Variants in DAG1 observed in about 807,000 individuals in gnomAD.
The protein encoded by DAG1 is dystroglycan 1.
A neutral mutation model predicts 46.1 loss-of-function variants in DAG1; 8 were observed. The ratio of observed to expected loss-of-function variants is 0.17; its 90% CI spans 0.10 to 0.31. The LOEUF (loss-of-function observed/expected upper bound fraction) is 0.31, where lower values mean the gene tolerates loss of function less well. DAG1 is among the 10% of genes least tolerant of loss of function. The probability of loss-of-function intolerance (pLI) is 1.00; values close to 1 mark genes in which losing one functional copy is unlikely to be tolerated. For synonymous variants in DAG1, 495 were observed against 481.8 expected (o/e 1.03, Z -0.36); for missense variants, 1,003 against 1,189.9 (o/e 0.84, Z 2.31).
At chr3:49,489,853 G>T (rs1236654316) in intron 1 of DAG1, among the ~76,000 whole-genome samples, 1 of 152,036 alleles carries the variant, frequency 6.6e-6, no homozygotes, top group Admixed American at 6.6e-5. Flanking sequence ...TGGGGGATTA[G>T]TGCCTGGAAT....
At chr3:49,499,627 T>G (rs1425202844) in intron 1 of DAG1, among the ~76,000 whole-genome samples, 1 of 152,198 alleles carries the variant, frequency 6.6e-6, no homozygotes, top group African/African-American at 2.4e-5. Context: ...CAGAGCCGCC[T>G]GTTCCATAAG....
At chr3:49,471,818 T>C (rs1435994623) in intron 1 of DAG1, among the ~76,000 whole-genome samples, 2 of 152,204 alleles carry the variant, frequency 1.3e-5, no homozygotes, top group East Asian at 3.8e-4. Context: ...AAGAGTCTGC[T>C]TCTGCCCTTA....
intron 2 of DAG1, among the ~76,000 whole-genome samples, chr3:49,519,872 G>A (rs2050984418): frequency 6.6e-6 from 1 of 152,088 alleles, no homozygotes; most frequent in African/African-American, 2.4e-5. Flanking sequence ...TACTTTTTTG[G>A]GGAAAAAGAC....
At chr3:49,491,124 TC>T (rs1364709634) in intron 1 of DAG1, among the ~76,000 whole-genome samples, 1 of 151,856 alleles carries the variant, frequency 6.6e-6, no homozygotes, top group Admixed American at 6.6e-5. Flanking sequence ...ACCCAGGTGG[TC>T]CGCCTGCCTC....
intron 1 of DAG1, among the ~76,000 whole-genome samples, chr3:49,481,000 A>G (rs2049863999): frequency 6.9e-6 from 1 of 145,080 alleles, no homozygotes; most frequent in East Asian, 2.1e-4. Context: ...TGACCTCGTG[A>G]TCCGCCCGCT....
rs377173064 is a variant in DAG1, at chr3:49,531,363, C to T, written c.852C>T (p.Gly284=). 9.9e-6 allele frequency: 16 copies of T among 1,614,058 alleles called. No homozygotes were observed. Among genetic ancestry groups the T allele is most frequent in the Admixed American group, 3.3e-5 (2 of 60,006 alleles). The part of the protein sequence containing the change: ...IHGVEAPARE[G]AMSAQLGYPV... ...GTGTAGAGGCCCCTGCCAGGGAGGG[C>T]GCAATGTCTGCTCAGCTTGGCTACC... is the stretch of plus-strand genomic sequence containing the variant. Residue 284 remains glycine, a synonymous_variant, in exon 3 of 3, where the codon GGC becomes GGT. Coordinates refer to ENST00000308775, the MANE Select transcript of DAG1 (RefSeq NM_004393.6). This position sits in a 1 kb window ranked among gnomAD's most constrained non-coding sequence, Gnocchi z 7.0.
intron 1 of DAG1, among the ~76,000 whole-genome samples, chr3:49,473,426 CA>C (rs1288104922): frequency 7.6e-5 from 11 of 145,064 alleles, no homozygotes; most frequent in South Asian, 2.2e-4. Flanking sequence ...CGTCTCAAAA[CA>C]AAAAAAAAAC....
intron 1 of DAG1, chr3:49,492,680 G>T (rs2050219500): frequency 6.6e-6 from 1 of 152,112 alleles, no homozygotes; most frequent in South Asian, 2.1e-4. Context: ...ATAAATGCAG[G>T]AGATCTTCCA....
intron 2 of DAG1, among the ~76,000 whole-genome samples, chr3:49,512,675 AT>A (rs887677166): frequency 1.8e-4 from 26 of 148,240 alleles, no homozygotes; most frequent in South Asian, 8.8e-4. Flanking sequence ...TTAAAAAAAA[AT>A]TTTTTTTTAG....
intron 1 of DAG1, among the ~76,000 whole-genome samples, chr3:49,473,825 C>T (rs2049597106): frequency 1.3e-5 from 2 of 151,610 alleles, no homozygotes; most frequent in Non-Finnish European, 2.9e-5. Context: ...CTCAGGTGAT[C>T]CGCCCGCGTC....
intron 1 of DAG1, among the ~76,000 whole-genome samples, chr3:49,495,463 T>C (rs2050286272): frequency 6.6e-6 from 1 of 152,230 alleles, no homozygotes. Flanking sequence ...ATTGTTGGGC[T>C]GTCTTCAGAG....
intron 2 of DAG1, among the ~76,000 whole-genome samples, chr3:49,515,388 G>GTTTT (rs71627397): frequency 7.7e-6 from 1 of 130,236 alleles, no homozygotes; most frequent in Admixed American, 7.9e-5. Context: ...TTCTTGTGTT[G>GTTTT]TTTTTTTTTT....
At chr3:49,508,815 C>G (rs552995400) in intron 1 of DAG1, among the ~76,000 whole-genome samples, 2 of 152,208 alleles carry the variant, frequency 1.3e-5, no homozygotes, top group Non-Finnish European at 2.9e-5. Context: ...AGGCATGAGC[C>G]ACTGCACCCG....
chr3:49,532,585 T>C lies in DAG1; in HGVS notation c.2074T>C (p.Phe692Leu), dbSNP rs2051389490. The change falls in exon 3 of 3, where the codon TTC becomes CTC. Residue 692 changes from phenylalanine (F) to leucine (L), a missense_variant. By Grantham distance (22) the Phe-to-Leu change is conservative. Transcript: ENST00000308775. This position sits in a 1 kb window ranked among gnomAD's most constrained non-coding sequence, Gnocchi z 5.4. ...AEDDGKPRPAFSNALEPDFKA... is the reference protein window; with the variant it reads ...AEDDGKPRPALSNALEPDFKA... ...GGATGATGGAAAACCTCGGCCTGCC[T>C]TCTCCAACGCCCTAGAGCCTGACTT... 1 of 1,612,176 alleles carries C rather than the reference T, an allele frequency of 6.2e-7. No individual in the cohort carries two copies. The highest frequency in any genetic ancestry group is 1.7e-5 in the Admixed American group (1 of 59,920).
chr3:49,513,661 G>T (rs116436136), intron 2 of DAG1, among the ~76,000 whole-genome samples: 1 of 152,142 alleles, frequency 6.6e-6, no homozygotes, highest in South Asian at 2.1e-4. Context: ...GAGTGACCTT[G>T]TGGTCTCTGG....
intron 2 of DAG1, among the ~76,000 whole-genome samples, chr3:49,527,508 C>A (rs908705463): frequency 2.1e-5 from 3 of 142,494 alleles, no homozygotes; most frequent in Non-Finnish European, 4.5e-5. Flanking sequence ...GGCGAAAGAG[C>A]GAGACTCTGT....
chr3:49,515,388 G>GTT lies in DAG1; in HGVS notation c.285+4584_285+4585dup, dbSNP rs71627397. Among the ~76,000 whole-genome samples the GTT allele has an allele frequency of 2.2e-3, 280 of 130,170 alleles. 7 individuals carry two copies. Among genetic ancestry groups the GTT allele is most frequent in the African/African-American group, 3.0e-3 (105 of 34,632 alleles). The allele number at this position is 130,170 out of a possible 152,430, so 85.4% of individuals were successfully genotyped here. A position where few individuals can be genotyped will look rare whatever the true frequency, so the allele number is the denominator to read the frequency against. On this transcript the variant is annotated intron_variant, in intron 2 of 2. Transcript: ENST00000308775. Reference sequence around the variant, plus strand: ...AATGGCTGCCTAATATTCTTGTGTTGTTTTTTTTTTTTTTTTGAGACAGGG... The same window carrying GTT: ...AATGGCTGCCTAATATTCTTGTGTTGTTTTTTTTTTTTTTTTTTGAGACAGGG...
chr3:49,469,652 T>TA (rs960138559), upstream of DAG1, among the ~76,000 whole-genome samples: 1 of 152,172 alleles, frequency 6.6e-6, no homozygotes, highest in Non-Finnish European at 1.5e-5. Context: ...GGCGAGGCTC[T>TA]AGGAGATGAG....
chr3:49,532,316 A>T lies in DAG1; in HGVS notation c.1805A>T (p.Asp602Val). Residue 602 changes from aspartate (D) to valine (V), a missense_variant, in exon 3 of 3, where the codon GAT becomes GTT. Around this residue, in one of 3 missense-constraint regions of DAG1, gnomAD observed 755 missense variants for 854.1 expected, o/e 0.88. Coordinates refer to ENST00000308775, the MANE Select transcript of DAG1 (RefSeq NM_004393.6). The surrounding 1 kb of genome is among the most constrained non-coding windows in gnomAD (Gnocchi z 5.4). ...EIHVHRRPQG[D>V]RAPARFKAKF... ...CACGTCCACAGGCGCCCCCAAGGGG[A>T]TAGGGCTCCTGCAAGGTTCAAGGCC... 1 of 1,614,148 alleles carries T rather than the reference A, an allele frequency of 6.2e-7. No homozygotes were observed. The highest frequency in any genetic ancestry group is 8.5e-7 in the Non-Finnish European group (1 of 1,180,034).
Sources: allele counts gnomAD v4.1 joint callset (sites outside exome capture counted in the v4.1 genomes callset), GRCh38; gene constraint gnomAD v4.1.1; regional missense constraint gnomAD v4.1.1; non-coding constraint Gnocchi (gnomAD v3.1); transcripts MANE v1.5; gene names NCBI Gene and HGNC (gene_info 2026-07-23, HGNC 2026-07-21).